Variants in BCAS3 observed in about 807,000 individuals in gnomAD.
BCAS3 encodes BCAS3 microtubule associated cell migration factor, also known as BCAS4/BCAS3 fusion.
Under a neutral mutation model 116.1 loss-of-function variants are expected in BCAS3, and 53 were observed. The ratio of observed to expected loss-of-function variants is 0.46; its 90% CI spans 0.37 to 0.57. BCAS3 has a LOEUF of 0.57. BCAS3 is among the 20% of genes least tolerant of loss of function. BCAS3 has a pLI of 0.00. For missense variants in BCAS3, 917 were observed against 1,165.4 expected (o/e 0.79, Z 3.10); for synonymous variants, 391 against 408.2 (o/e 0.96, Z 0.51).
At chr17:60,849,796 T>G (rs1451572846) in intron 7 of BCAS3, among the ~76,000 whole-genome samples, 1 of 152,178 alleles carries the variant, frequency 6.6e-6, no homozygotes, top group African/African-American at 2.4e-5. Flanking sequence ...AGGCTCTCAC[T>G]CTGTCACTGG....
At chr17:61,359,368 C>T (rs572297591) in intron 22 of BCAS3, among the ~76,000 whole-genome samples, 14 of 152,104 alleles carry the variant, frequency 9.2e-5, no homozygotes, top group African/African-American at 3.4e-4. Flanking sequence ...TCTGGGCAGC[C>T]TCCATTCTAC....
intron 22 of BCAS3, among the ~76,000 whole-genome samples, chr17:61,117,583 A>C (rs1229047734): frequency 6.6e-6 from 1 of 152,226 alleles, no homozygotes; most frequent in Non-Finnish European, 1.5e-5. Flanking sequence ...TGACACAGCA[A>C]GCCCCTGTCT....
Position 60,956,949 on chromosome 17 carries a change from A to G in BCAS3, c.1221+9597A>G, listed in dbSNP as rs1215064252. Among the ~76,000 whole-genome samples the G allele has an allele frequency of 6.6e-6, 1 of 152,176 alleles. No individual in the cohort carries two copies. The highest frequency in any genetic ancestry group is 6.5e-5 in the Admixed American group (1 of 15,278). On this transcript the variant is annotated intron_variant, in intron 14 of 23. Transcript: ENST00000407086. This position sits in a 1 kb window ranked among gnomAD's most constrained non-coding sequence, Gnocchi z 4.2. ...TTCCAAGAACTCTGACGGTACTTTAATCAGGCAAGGAAAAAAATTCAGTAT... is the reference window on the plus strand; with the variant it reads ...TTCCAAGAACTCTGACGGTACTTTAGTCAGGCAAGGAAAAAAATTCAGTAT...
chr17:61,108,371 A>G (rs1000895907), intron 22 of BCAS3, among the ~76,000 whole-genome samples: 2 of 152,072 alleles, frequency 1.3e-5, no homozygotes, highest in African/African-American at 4.8e-5. Context: ...GTTTTAGTCC[A>G]TTCTTCCAAT....
At chr17:60,900,865 CT>C (rs1215516204) in intron 10 of BCAS3, among the ~76,000 whole-genome samples, 2 of 151,904 alleles carry the variant, frequency 1.3e-5, no homozygotes, top group Non-Finnish European at 2.9e-5. Context: ...AAATTTCTGA[CT>C]TAGTTACTTT....
At chr17:60,928,883 T>G (rs2059495590) in intron 13 of BCAS3, among the ~76,000 whole-genome samples, 1 of 152,210 alleles carries the variant, frequency 6.6e-6, no homozygotes, top group Non-Finnish European at 1.5e-5. Flanking sequence ...CTTCTAACCC[T>G]TCTGATTGGT....
In BCAS3 at chr17:60,924,511, T is replaced by G. The variant is rs201551329; in HGVS notation, c.1087+11T>G. ...CTTTTAATACAAGTGGTAAGTTCGCTCTCTGTCTTTTTTTTTTTTTTTTTT... is the reference window on the plus strand; with the variant it reads ...CTTTTAATACAAGTGGTAAGTTCGCGCTCTGTCTTTTTTTTTTTTTTTTTT... On this transcript the variant is annotated intron_variant, in intron 13 of 23. Coordinates refer to ENST00000407086, the MANE Select transcript of BCAS3 (RefSeq NM_017679.5). The G allele has an allele frequency of 5.9e-5, 88 of 1,493,974 alleles. No individual in the cohort carries two copies. In the Admixed American group the frequency reaches 1.6e-3, roughly 27 times the overall value. The allele number at this position is 1,493,974 out of a possible 1,614,324, so 92.5% of individuals were successfully genotyped here. A position where few individuals can be genotyped will look rare whatever the true frequency, so the allele number is the denominator to read the frequency against.
At chr17:61,275,804 A>G (rs1262734488) in intron 22 of BCAS3, among the ~76,000 whole-genome samples, 6 of 152,166 alleles carry the variant, frequency 3.9e-5, no homozygotes, top group Admixed American at 3.9e-4. Flanking sequence ...TGTGCCCTAC[A>G]TTTAACCTTC....
chr17:60,717,073 C>T (rs549384908), intron 5 of BCAS3, among the ~76,000 whole-genome samples: 2 of 152,240 alleles, frequency 1.3e-5, no homozygotes, highest in South Asian at 4.1e-4. Flanking sequence ...ATACGATGGT[C>T]TGGGAAAGCC....
Position 61,203,523 on chromosome 17 carries a change from A to G in BCAS3, c.2425+118959A>G, listed in dbSNP as rs771771817. On this transcript the variant is annotated intron_variant, in intron 22 of 23. Transcript: ENST00000407086. This position sits in a 1 kb window ranked among gnomAD's most constrained non-coding sequence, Gnocchi z 5.7. ...AAGAGGGGAACCAAAAAGATAGTTT[A>G]TGAAGAACTTAACAGTTTCCACATT... Among the ~76,000 whole-genome samples the G allele has an allele frequency of 3.5e-4, 53 of 152,190 alleles. No individual in the cohort carries two copies. Among genetic ancestry groups the G allele is most frequent in the Non-Finnish European group, 5.4e-4 (37 of 68,038 alleles).
intron 4 of BCAS3, among the ~76,000 whole-genome samples, chr17:60,708,188 T>C (rs2037411417): frequency 6.6e-6 from 1 of 151,852 alleles, no homozygotes; most frequent in Non-Finnish European, 1.5e-5. Context: ...AGCTGGGCAT[T>C]ATGGCATATG....
intron 19 of BCAS3, among the ~76,000 whole-genome samples, chr17:61,055,502 A>G (rs536801418): frequency 1.3e-5 from 2 of 152,318 alleles, no homozygotes; most frequent in South Asian, 4.1e-4. Context: ...TACTCAGAGC[A>G]CTGCATTAGG....
At chr17:60,835,819 CA>C (rs2051322711) in intron 7 of BCAS3, among the ~76,000 whole-genome samples, 1 of 151,998 alleles carries the variant, frequency 6.6e-6, no homozygotes, top group Non-Finnish European at 1.5e-5. Flanking sequence ...AGATATTATA[CA>C]GCAGTAACAG....
intron 5 of BCAS3, among the ~76,000 whole-genome samples, chr17:60,745,947 C>T (rs2041978872): frequency 6.6e-6 from 1 of 150,758 alleles, no homozygotes; most frequent in South Asian, 2.1e-4. Context: ...AAAGTAGTTA[C>T]TCTAAAAGAG....
At chr17:60,779,561 G>C (rs1368589745) in intron 6 of BCAS3, among the ~76,000 whole-genome samples, 2 of 152,096 alleles carry the variant, frequency 1.3e-5, no homozygotes, top group African/African-American at 4.8e-5. Context: ...TAGAGACAGG[G>C]CTTCTCCATG....
In BCAS3 at chr17:61,390,938, T is replaced by C. The variant is rs1160509800; in HGVS notation, c.2594-1039T>C. ...AGGTTGCAGGTCTACATATCTTGGC[T>C]TGGGGCAGGCTCCAGAGACTGCCCG... On this transcript the variant is annotated intron_variant, in intron 23 of 23. Transcript: ENST00000407086. This position sits in a 1 kb window ranked among gnomAD's most constrained non-coding sequence, Gnocchi z 6.8. 6.6e-6 allele frequency: 1 copy of C among 152,258 alleles called. No individual in the cohort carries two copies. The highest frequency in any genetic ancestry group is 1.5e-5 in the Non-Finnish European group (1 of 68,076). 9.4% of individuals were successfully genotyped at this position (152,258 alleles called of 1,614,324 possible).
At chr17:60,968,997 G>T (rs919586000) in intron 14 of BCAS3, among the ~76,000 whole-genome samples, 2 of 144,024 alleles carry the variant, frequency 1.4e-5, no homozygotes, top group African/African-American at 2.8e-5. Flanking sequence ...ACCATGAGTT[G>T]GGGGGGGAGA....
In BCAS3 at chr17:61,265,704, C is replaced by CA. The variant is rs967193699; in HGVS notation, c.2426-102623_2426-102622insA. ...TAACACCATCATTCTTTTTTCCCCC[C>CA]CATCAAGTAGTATATCTGCCAGGGT... is the stretch of plus-strand genomic sequence containing the variant. On this transcript the variant is annotated intron_variant, in intron 22 of 23. Transcript: ENST00000407086. This position sits in a 1 kb window ranked among gnomAD's most constrained non-coding sequence, Gnocchi z 4.3. 1.3e-5 allele frequency among the ~76,000 whole-genome samples: 2 copies of CA among 151,870 alleles called. No individual in the cohort carries two copies. Among genetic ancestry groups the CA allele is most frequent in the South Asian group, 2.1e-4 (1 of 4,800 alleles).
chr17:60,984,670 TG>T (rs1600222748), intron 14 of BCAS3, among the ~76,000 whole-genome samples: 1 of 152,128 alleles, frequency 6.6e-6, no homozygotes, highest in South Asian at 2.1e-4. Flanking sequence ...AAAAATTTTT[TG>T]TGGGTACATA....
Sources: allele counts gnomAD v4.1 joint callset (sites outside exome capture counted in the v4.1 genomes callset), GRCh38; gene constraint gnomAD v4.1.1; non-coding constraint Gnocchi (gnomAD v3.1); transcripts MANE v1.5; gene names NCBI Gene and HGNC (gene_info 2026-07-23, HGNC 2026-07-21).